Variants in SLC9A4 observed in about 807,000 individuals in gnomAD.
The protein encoded by SLC9A4 is solute carrier family 9 member A4.
In SLC9A4, 63 loss-of-function variants were observed where a neutral mutation model predicts 67.4. That is an observed-to-expected ratio of 0.93 (90% CI 0.76 to 1.15). The LOEUF is 1.15. SLC9A4 is among the 50% of genes most tolerant of loss of function. The pLI, the probability that SLC9A4 is intolerant of heterozygous loss-of-function variation, is 0.00. For missense variants in SLC9A4, 1,089 were observed against 987.7 expected (o/e 1.10, Z -1.38); for synonymous variants, 393 against 367.2 (o/e 1.07, Z -0.80).
chr2:102,512,390 C>G (rs1685183768), intron 7 of SLC9A4, 117 bp downstream of exon 7: 13 of 1,068,416 alleles, frequency 1.2e-5, no homozygotes, highest in Non-Finnish European at 1.7e-5. Flanking sequence ...TGCTCCTGAG[C>G]CATCCCCTAC....
rs1674797446 is a variant in SLC9A4 at position 102,532,447 on chromosome 2, G to A, written c.2156G>A (p.Gly719Glu). ...ATACCAATGAAGAGCCTACACAGAG[G>A]AAGGAAGGCATTCAGCTTTGGTTAT... ...EIIPMKSLHR[G>E]RKAFSFGYQR... The change falls in exon 12 of 12, where the codon GGA becomes GAA. Residue 719 changes from glycine (G) to glutamate (E), a missense_variant. Transcript: ENST00000295269. The A allele has an allele frequency of 1.2e-6, 2 of 1,614,114 alleles. No individual in the cohort carries two copies. The highest frequency in any genetic ancestry group is 1.7e-5 in the Admixed American group (1 of 60,004).
chr2:102,480,048 C>G (rs1255001615), intron 2 of SLC9A4, among the ~76,000 whole-genome samples: 1 of 152,200 alleles, frequency 6.6e-6, no homozygotes, highest in Non-Finnish European at 1.5e-5. Flanking sequence ...TACATACTTT[C>G]ATATACTTTT....
chr2:102,525,059 A>C lies in SLC9A4; in HGVS notation c.1854A>C (p.Gln618His). 1 of 1,614,070 alleles carries C rather than the reference A, an allele frequency of 6.2e-7. No homozygotes were observed. The change falls in exon 10 of 12, where the codon CAA becomes CAC. Residue 618 changes from glutamine (Q) to histidine (H), a missense_variant. Gln to His is a conservative substitution (Grantham distance 24). Coordinates refer to ENST00000295269, the MANE Select transcript of SLC9A4 (RefSeq NM_001011552.4). ...LSYNKYNLKP[Q>H]TSEKQAKEIL... ...ACAACAAATACAACCTCAAACCCCA[A>C]ACAAGTGAGAAGCAGGCTAAAGAGA...
chr2:102,508,995 G>A, intron 6 of SLC9A4, 62 bp downstream of exon 6: 1 of 1,414,524 alleles, frequency 7.1e-7, no homozygotes. Context: ...GTCACCATGA[G>A]ACATGTGCAC....
intron 2 of SLC9A4, among the ~76,000 whole-genome samples, chr2:102,484,613 C>G (rs2104417858): frequency 6.6e-6 from 1 of 152,314 alleles, no homozygotes; most frequent in Non-Finnish European, 1.5e-5. Context: ...GAACAAGCAG[C>G]TGATTTTAAA....
rs201311308 is a variant in SLC9A4, at chr2:102,532,634, T to C, written c.2343T>C (p.His781=). 1.8e-5 allele frequency: 29 copies of C among 1,614,064 alleles called. No homozygotes were observed. In the South Asian group the frequency reaches 2.2e-4, roughly 12 times the overall value. Residue 781 remains histidine, a synonymous_variant, in exon 12 of 12, where the codon CAT becomes CAC. Transcript: ENST00000295269. The part of the protein sequence containing the change: ...VEVRSRWTAD[H]GHGRDHHRSH... ...TTCGGTCGAGGTGGACAGCTGACCATGGACACGGCAGGGACCATCACAGGT... is the reference window on the plus strand; with the variant it reads ...TTCGGTCGAGGTGGACAGCTGACCACGGACACGGCAGGGACCATCACAGGT...
Position 102,508,186 on chromosome 2 carries a change from T to G in SLC9A4, c.1306T>G (p.Ser436Ala). Residue 436 changes from serine to alanine, a missense_variant, in exon 5 of 12, where the codon TCA becomes GCA. Coordinates refer to ENST00000295269, the MANE Select transcript of SLC9A4 (RefSeq NM_001011552.4). The part of the protein sequence containing the change: ...YSGVRGAGSF[S>A]LAFLLPLSLF... ...TGGTGTTCGAGGAGCTGGAAGTTTT[T>G]CACTTGCATTTTTGCTTCCTCTGTC... The G allele has an allele frequency of 6.2e-7, 1 of 1,614,226 alleles. No homozygotes were observed. Among genetic ancestry groups the G allele is most frequent in the Non-Finnish European group, 8.5e-7 (1 of 1,180,032 alleles).
At chr2:102,528,148 C>CT (rs1674703630) in intron 11 of SLC9A4, among the ~76,000 whole-genome samples, 1 of 152,118 alleles carries the variant, frequency 6.6e-6, no homozygotes, top group Admixed American at 6.5e-5. Flanking sequence ...GCTGGAATTA[C>CT]AGGCATGTGC....
chr2:102,488,029 T>G (rs1427718527), intron 2 of SLC9A4, among the ~76,000 whole-genome samples: 2 of 152,204 alleles, frequency 1.3e-5, no homozygotes, highest in Non-Finnish European at 1.5e-5. Context: ...CTGCTTGTTC[T>G]GTATTTTATT....
chr2:102,525,061 C>T lies in SLC9A4; in HGVS notation c.1856C>T (p.Thr619Ile), dbSNP rs143165841. The stretch of plus-strand genomic sequence containing the variant: ...AACAAATACAACCTCAAACCCCAAA[C>T]AAGTGAGAAGCAGGCTAAAGAGATT... ...SYNKYNLKPQ[T>I]SEKQAKEILI... is the part of the protein sequence containing the mutation. Residue 619 changes from threonine (T) to isoleucine (I), a missense_variant, in exon 10 of 12, where the codon ACA becomes ATA. By Grantham distance (89) the Thr-to-Ile change is moderately conservative. Coordinates refer to ENST00000295269, the MANE Select transcript of SLC9A4 (RefSeq NM_001011552.4). The T allele has an allele frequency of 5.6e-6, 9 of 1,613,972 alleles. No individual in the cohort carries two copies. Among genetic ancestry groups the T allele is most frequent in the East Asian group, 2.2e-5 (1 of 44,872 alleles).
At chr2:102,505,968 A>G (rs951177516) in intron 4 of SLC9A4, among the ~76,000 whole-genome samples, 3 of 152,226 alleles carry the variant, frequency 2.0e-5, no homozygotes, top group Admixed American at 2.0e-4. Context: ...TCTATGGAAG[A>G]CAAATACTGA....
chr2:102,500,723 G>A (rs1684912720), intron 2 of SLC9A4, among the ~76,000 whole-genome samples: 1 of 152,148 alleles, frequency 6.6e-6, no homozygotes, highest in Admixed American at 6.5e-5. Context: ...GGTGACTGCA[G>A]CATAAATATG....
intron 4 of SLC9A4, among the ~76,000 whole-genome samples, 184 bp from the exon 5 acceptor site, chr2:102,507,895 C>T (rs1685080881): frequency 6.6e-6 from 1 of 152,168 alleles, no homozygotes; most frequent in South Asian, 2.1e-4. Context: ...TGAAGTGCTA[C>T]TGTCTCACAA....
intron 8 of SLC9A4, 51 bp downstream of exon 8, chr2:102,514,302 G>A: frequency 7.2e-7 from 1 of 1,382,330 alleles, no homozygotes; most frequent in Non-Finnish European, 1.0e-6. Flanking sequence ...GAATTCCAAG[G>A]GGCGCTGACT....
intron 7 of SLC9A4, 55 bp downstream of exon 7, chr2:102,512,328 G>A (rs1685181600): frequency 1.3e-6 from 2 of 1,581,422 alleles, no homozygotes; most frequent in South Asian, 1.1e-5. Context: ...TCCATTGGAA[G>A]CTGGGCATAA....
At chr2:102,486,574 C>T (rs1020393613) in intron 2 of SLC9A4, among the ~76,000 whole-genome samples, 1 of 152,106 alleles carries the variant, frequency 6.6e-6, no homozygotes. Flanking sequence ...AGGATGGGAG[C>T]CAAGAGGAGA....
intron 10 of SLC9A4, among the ~76,000 whole-genome samples, chr2:102,525,951 G>T (rs533925263): frequency 6.6e-6 from 1 of 152,084 alleles, no homozygotes; most frequent in African/African-American, 2.4e-5. Flanking sequence ...TGAGTGGCGC[G>T]ATCTCAGCTC....
intron 2 of SLC9A4, 50 bp downstream of exon 2, chr2:102,479,352 G>A: frequency 1.3e-6 from 2 of 1,533,956 alleles, no homozygotes; most frequent in East Asian, 2.4e-5. Context: ...AGGGTTCGGG[G>A]TGGGGCTGGG....
At chr2:102,477,483 T>C (rs963121072) in intron 1 of SLC9A4, among the ~76,000 whole-genome samples, 5 of 152,202 alleles carry the variant, frequency 3.3e-5, no homozygotes, top group Admixed American at 6.5e-5. Flanking sequence ...GCTAAGCATT[T>C]GGGGACATAT....
Sources: gnomAD v4.1 joint callset for allele counts (sites outside exome capture counted in the v4.1 genomes callset) on GRCh38, gnomAD v4.1.1 for gene constraint, MANE v1.5 for transcripts, NCBI Gene and HGNC (gene_info 2026-07-23, HGNC 2026-07-21) for gene names.